Variants in FHAD1 observed in about 807,000 individuals in gnomAD.
FHAD1 encodes the protein forkhead associated phosphopeptide binding domain 1, also known as forkhead-associated domain-containing protein 1.
In FHAD1, 146 loss-of-function variants were observed where a neutral mutation model predicts 191.3. The ratio of observed to expected loss-of-function variants is 0.76; its 90% CI spans 0.67 to 0.88. FHAD1 has a LOEUF of 0.88. FHAD1 is among the 40% of genes least tolerant of loss of function. The pLI is 0.00. For missense variants in FHAD1, 1,635 were observed against 1,785.8 expected, an observed-to-expected ratio of 0.92 and a Z score of 1.52; for synonymous variants, 616 against 672.3, an observed-to-expected ratio of 0.92 and a Z score of 1.29.
At chr1:15,337,979 TC>T (rs987020408) in intron 14 of FHAD1, among the ~76,000 whole-genome samples, 9 of 152,164 alleles carry the variant, frequency 5.9e-5, no homozygotes, top group African/African-American at 1.9e-4. Flanking sequence ...AAATCAAGTT[TC>T]CTCTCTCAAG....
At chr1:15,394,699 G>A (rs940787654) in intron 33 of FHAD1, among the ~76,000 whole-genome samples, 5 of 152,184 alleles carry the variant, frequency 3.3e-5, no homozygotes, top group African/African-American at 9.7e-5. Context: ...CTCTGAGGAA[G>A]GCAGGATCGA....
chr1:15,280,518 G>A (rs889619201), intron 3 of FHAD1, among the ~76,000 whole-genome samples: 1 of 152,160 alleles, frequency 6.6e-6, no homozygotes, highest in Non-Finnish European at 1.5e-5. Flanking sequence ...GACAGCCTAG[G>A]GGACTGCAGG....
chr1:15,350,911 A>T (rs897707279), intron 19 of FHAD1, among the ~76,000 whole-genome samples: 43 of 152,122 alleles, frequency 2.8e-4, no homozygotes, highest in Admixed American at 7.2e-4. Flanking sequence ...GAGCACAGAC[A>T]TGCTAAGGGG....
intron 33 of FHAD1, among the ~76,000 whole-genome samples, chr1:15,391,721 T>A (rs376851745): frequency 1.3e-5 from 2 of 152,234 alleles, no homozygotes; most frequent in African/African-American, 4.8e-5. Flanking sequence ...AAAATTGTCA[T>A]TGGAAAAACT....
Position 15,329,294 on chromosome 1 carries a change from G to A in FHAD1, c.1711-52G>A. 2.1e-6 allele frequency: 3 copies of A among 1,444,066 alleles called. No homozygotes were observed. Among genetic ancestry groups the A allele is most frequent in the Non-Finnish European group, 2.8e-6 (3 of 1,071,086 alleles). The allele number at this position is 1,444,066 out of a possible 1,614,324, so 89.5% of individuals were successfully genotyped here. On this transcript the variant is annotated intron_variant, in intron 13 of 33. Transcript: ENST00000688493. The surrounding 1 kb of genome is among the most constrained non-coding windows in gnomAD (Gnocchi z 5.0). ...GCTGTTCCTCGAAGGTCACGTCAGG[G>A]GCTATTTCTGGCCACAGGGCCTGGG...
At chr1:15,383,600 A>C in intron 31 of FHAD1, 1 of 305,430 alleles carries the variant, frequency 3.3e-6, no homozygotes, top group Non-Finnish European at 6.5e-6. Context: ...CTCTAAATAG[A>C]GCCAGACTCT....
rs544696210 is a variant in FHAD1 at position 15,311,047 on chromosome 1, C to G, written c.1040-2010C>G. ...TCTATTGGCCCCAAGAAGCATGTGA[C>G]GATGATCTGGGAGGGAGTGGAAACA... On this transcript the variant is annotated intron_variant, in intron 7 of 33. Transcript: ENST00000688493. This position sits in a 1 kb window ranked among gnomAD's most constrained non-coding sequence, Gnocchi z 4.1. Among the ~76,000 whole-genome samples the G allele has an allele frequency of 6.6e-6, 1 of 152,158 alleles. No homozygotes were observed. The highest frequency in any genetic ancestry group is 1.5e-5 in the Non-Finnish European group (1 of 68,036).
intron 1 of FHAD1, among the ~76,000 whole-genome samples, chr1:15,242,190 A>ATG (rs1350436378): frequency 6.7e-6 from 1 of 148,274 alleles, no homozygotes; most frequent in Non-Finnish European, 1.5e-5. Context: ...CCGAGATCGC[A>ATG]CCACTGCACT....
rs1700782872 is a variant in FHAD1 at position 15,381,029 on chromosome 1, G to A, written c.3802-202G>A. 6.6e-6 allele frequency among the ~76,000 whole-genome samples: 1 copy of A among 152,142 alleles called. No individual in the cohort carries two copies. The highest frequency in any genetic ancestry group is 1.5e-5 in the Non-Finnish European group (1 of 68,030). ...TATCTGTTGTCATTTTTCACCCCCGGTTCTCAAAAAAGGCATAGCGTAAAT... is the reference window on the plus strand; with the variant it reads ...TATCTGTTGTCATTTTTCACCCCCGATTCTCAAAAAAGGCATAGCGTAAAT... On this transcript the variant is annotated intron_variant, in intron 29 of 33. Coordinates refer to ENST00000688493, the MANE Select transcript of FHAD1 (RefSeq NM_001391957.1). This position sits in a 1 kb window ranked among gnomAD's most constrained non-coding sequence, Gnocchi z 4.6.
chr1:15,251,363 G>A (rs1573634473), intron 1 of FHAD1, among the ~76,000 whole-genome samples: 1 of 152,146 alleles, frequency 6.6e-6, no homozygotes, highest in East Asian at 1.9e-4. Flanking sequence ...AGGTCACAGA[G>A]CTAGTAAAGG....
Position 15,381,560 on chromosome 1 carries a change from A to C in FHAD1, c.4022+109A>C. 1.2e-6 allele frequency: 1 copy of C among 802,140 alleles called. No individual in the cohort carries two copies. The highest frequency in any genetic ancestry group is 1.7e-5 in the African/African-American group (1 of 57,564). The allele number at this position is 802,140 out of a possible 1,614,324, so 49.7% of individuals were successfully genotyped here. A position where few individuals can be genotyped will look rare whatever the true frequency, so the allele number is the denominator to read the frequency against. ...GCCTGGGACAGGAGGACAGAGACCC[A>C]CGTGTGGAATACCTGCAATGTCAGA... On this transcript the variant is annotated intron_variant, in intron 30 of 33. Coordinates refer to ENST00000688493, the MANE Select transcript of FHAD1 (RefSeq NM_001391957.1). This position sits in a 1 kb window ranked among gnomAD's most constrained non-coding sequence, Gnocchi z 4.6.
Position 15,329,668 on chromosome 1 carries a change from A to C in FHAD1, c.1906+127A>C. On this transcript the variant is annotated intron_variant, in intron 14 of 33. Coordinates refer to ENST00000688493, the MANE Select transcript of FHAD1 (RefSeq NM_001391957.1). The surrounding 1 kb of genome is among the most constrained non-coding windows in gnomAD (Gnocchi z 5.0). ...GGCCAAGTCTATTCCCTTCTCCAGAACCCCCTGCTTCTCTGCTTGAGGCGT... is the reference window on the plus strand; with the variant it reads ...GGCCAAGTCTATTCCCTTCTCCAGACCCCCCTGCTTCTCTGCTTGAGGCGT... The C allele has an allele frequency of 4.0e-6, 3 of 757,648 alleles. No individual in the cohort carries two copies. Among genetic ancestry groups the C allele is most frequent in the Non-Finnish European group, 6.2e-6 (3 of 485,574 alleles). The allele number at this position is 757,648 out of a possible 1,614,324, so 46.9% of individuals were successfully genotyped here.
chr1:15,245,750 T>C (rs556171793), upstream of FHAD1, among the ~76,000 whole-genome samples: 4 of 152,312 alleles, frequency 2.6e-5, no homozygotes, highest in Non-Finnish European at 5.9e-5. Context: ...GTCTCTGCAG[T>C]TCAGCTGCAT....
chr1:15,375,806 C>G (rs987586296), intron 28 of FHAD1, 76 bp downstream of exon 28: 2 of 1,410,692 alleles, frequency 1.4e-6, no homozygotes, highest in East Asian at 2.5e-5. Context: ...TAGCTTCGTT[C>G]CCTGGCACAG....
chr1:15,360,025 A>G (rs926083965), intron 21 of FHAD1, among the ~76,000 whole-genome samples: 1 of 152,194 alleles, frequency 6.6e-6, no homozygotes, highest in Admixed American at 6.5e-5. Flanking sequence ...AGGCAGGAGA[A>G]TCGCTTGAAC....
intron 10 of FHAD1, among the ~76,000 whole-genome samples, 170 bp from the exon 11 acceptor site, chr1:15,324,282 C>T (rs537084976): frequency 6.6e-6 from 1 of 151,914 alleles, no homozygotes; most frequent in Non-Finnish European, 1.5e-5. Flanking sequence ...ACGGACAGTG[C>T]CCCCCTAGCC....
upstream of FHAD1, among the ~76,000 whole-genome samples, chr1:15,245,693 C>G (rs1573572647): frequency 6.6e-6 from 1 of 152,190 alleles, no homozygotes; most frequent in Non-Finnish European, 1.5e-5. Flanking sequence ...CAGAACCTTC[C>G]AGACTGAGGG....
chr1:15,306,265 AT>A (rs1670465189), intron 6 of FHAD1, among the ~76,000 whole-genome samples: 1 of 152,198 alleles, frequency 6.6e-6, no homozygotes, highest in Non-Finnish European at 1.5e-5. Flanking sequence ...AGCAGAAGAA[AT>A]TTCTAAGCAG....
chr1:15,336,782 GACTAGGCCACCACCCTC>G (rs1255373680), intron 14 of FHAD1, among the ~76,000 whole-genome samples: 1 of 152,144 alleles, frequency 6.6e-6, no homozygotes, highest in African/African-American at 2.4e-5. Flanking sequence ...CTGCAGCACT[GACTAGGCCACCACCCTC>G]TCGGGGACTG....
Sources: allele counts gnomAD v4.1 joint callset (sites outside exome capture counted in the v4.1 genomes callset), GRCh38; gene constraint gnomAD v4.1.1; non-coding constraint Gnocchi (gnomAD v3.1); transcripts MANE v1.5; gene names NCBI Gene and HGNC (gene_info 2026-07-23, HGNC 2026-07-21).